Variants in CHFR observed in about 807,000 individuals in gnomAD.
CHFR encodes the protein checkpoint with forkhead and ring finger domains.
A neutral mutation model predicts 87.6 loss-of-function variants in CHFR; 57 were observed. The observed-to-expected ratio is 0.65, with a 90% CI of 0.53 to 0.81. The LOEUF (loss-of-function observed/expected upper bound fraction) is 0.81. Ranked by LOEUF, CHFR falls within the 30% of genes least tolerant of loss-of-function variation. The probability of loss-of-function intolerance (pLI) is 0.00; values close to 1 mark genes in which losing one functional copy is unlikely to be tolerated. For synonymous variants in CHFR, 381 were observed against 359.2 expected, an observed-to-expected ratio of 1.06 and a Z score of -0.69; for missense variants, 797 against 865.8, an observed-to-expected ratio of 0.92 and a Z score of 1.00.
At chr12:132,846,311 G>C (rs1292071111) in intron 15 of CHFR, among the ~76,000 whole-genome samples, 2 of 147,286 alleles carry the variant, frequency 1.4e-5, no homozygotes, top group Admixed American at 6.9e-5. Context: ...CCCCCAGGCT[G>C]GAGTGCAGTG....
At position 132,851,577 on chromosome 12, in the gene CHFR, C is replaced by A. The variant is rs751995061; in HGVS notation, c.1492+41G>T. On this transcript the variant is annotated intron_variant, in intron 12 of 17. Coordinates refer to ENST00000450056, the MANE Select transcript of CHFR (RefSeq NM_001161346.2). ...GCTTTGAAACCTGACCCCTGAAGGA[C>A]AGATAGGAACCCGCCTGCGTGCGGT... 16 of 1,565,608 alleles carry A rather than the reference C, an allele frequency of 1.0e-5. No homozygotes were observed. The East Asian group carries it at 1.6e-4, about 16-fold the overall frequency.
chr12:132,869,766 C>A lies in CHFR; in HGVS notation c.436G>T (p.Asp146Tyr). The A allele has an allele frequency of 6.4e-7, 1 of 1,551,394 alleles. No individual in the cohort carries two copies. Residue 146 changes from aspartate (D) to tyrosine (Y), a missense_variant, in exon 6 of 18, where the codon GAT (aspartate) becomes TAT (tyrosine). Around this residue, in one of 2 missense-constraint regions of CHFR, gnomAD observed 597 missense variants for 601.2 expected, o/e 0.99. Coordinates refer to ENST00000450056, the MANE Select transcript of CHFR (RefSeq NM_001161346.2). ...TSGAGAGRGADPRVPPSSPAT... is the reference protein window; with the variant it reads ...TSGAGAGRGAYPRVPPSSPAT... ...GGCGACGACGGAGGGACCCGGGGAT[C>A]GGCCCCTCGCCCTGCACCTGCACCT...
intron 11 of CHFR, among the ~76,000 whole-genome samples, chr12:132,852,743 G>A (rs747960278): frequency 6.6e-6 from 1 of 152,224 alleles, no homozygotes; most frequent in Non-Finnish European, 1.5e-5. Context: ...TTCCGTCCAC[G>A]GGTTCTACAA....
At chr12:132,872,250 C>A (rs369961753) in intron 4 of CHFR, 35 bp downstream of exon 4, 1 of 1,405,990 alleles carries the variant, frequency 7.1e-7, no homozygotes, top group East Asian at 2.3e-5. Flanking sequence ...CACCCCCGTG[C>A]GGGTCTGACC....
At chr12:132,876,717 C>G (rs1198415280) in intron 3 of CHFR, among the ~76,000 whole-genome samples, 1 of 152,132 alleles carries the variant, frequency 6.6e-6, no homozygotes, top group Non-Finnish European at 1.5e-5. Flanking sequence ...ACTAAGTGTC[C>G]CATCCTGGAA....
Position 132,843,081 on chromosome 12 carries a change from C to T in CHFR, c.1846G>A (p.Ala616Thr). 6.2e-7 allele frequency: 1 copy of T among 1,612,830 alleles called. No individual in the cohort carries two copies. Among genetic ancestry groups the T allele is most frequent in the Non-Finnish European group, 8.5e-7 (1 of 1,179,548 alleles). The change falls in exon 17 of 18, where the codon GCC (alanine) becomes ACC (threonine). Residue 616 changes from alanine (A) to threonine (T), a missense_variant and splice_region_variant. By Grantham distance (58) the Ala-to-Thr change is moderately conservative. Transcript: ENST00000450056. ...QNIPASELPV[A>T]VTSRPDCYWG... ...TAGCAGTCAGGACGGGATGTTACGG[C>T]CACTGGAAAAAGAGAAGGGGTACGC...
intron 2 of CHFR, 52 bp from the exon 3 acceptor site, chr12:132,877,706 C>A: frequency 8.6e-7 from 1 of 1,157,270 alleles, no homozygotes; most frequent in South Asian, 1.4e-5. Flanking sequence ...TAACTGTGAA[C>A]ACTACTGCAC....
chr12:132,861,713 G>T, intron 6 of CHFR, 79 bp from the exon 7 acceptor site: 1 of 1,367,594 alleles, frequency 7.3e-7, no homozygotes, highest in Non-Finnish European at 1.0e-6. Context: ...GTCACTGACT[G>T]GAGCCCAGTG....
At position 132,833,234 on chromosome 12, in the gene CHFR, G is replaced by GT. The variant is rs939034244; in HGVS notation, c.*8319dup. ...TGTGTGTGGATACCTTCAGAGGGCG[G>GT]TAACTGATGAAAAGAAAATAAAACT... is the stretch of plus-strand genomic sequence containing the variant. On this transcript the variant is annotated 3_prime_UTR_variant, in exon 18 of 18. Transcript: ENST00000450056. The GT allele has an allele frequency of 6.6e-6, 1 of 152,164 alleles. No individual in the cohort carries two copies. The highest frequency in any genetic ancestry group is 2.4e-5 in the African/African-American group (1 of 41,422). 9.4% of individuals were successfully genotyped at this position (152,164 alleles called of 1,614,324 possible). A position where few individuals can be genotyped will look rare whatever the true frequency, so the allele number is the denominator to read the frequency against.
chr12:132,853,446 C>T lies in CHFR; in HGVS notation c.1357G>A (p.Val453Ile), dbSNP rs141835819. Residue 453 changes from valine to isoleucine, a missense_variant, in exon 11 of 18, where the codon GTC (valine) becomes ATC (isoleucine). Transcript: ENST00000450056. ...CGCGGCTCACCTGTCGTCAGGCTGA[C>T]GGACGTGGAGGGTGCATCCCCCAGG... ...QALGDAPSTS[V>I]SLTTAVQDYV... 1.6e-4 allele frequency: 243 copies of T among 1,524,670 alleles called. 1 individual carries two copies. Among genetic ancestry groups the T allele is most frequent in the Non-Finnish European group, 3.5e-5 (40 of 1,145,048 alleles). 94.4% of individuals were successfully genotyped at this position (1,524,670 alleles called of 1,614,324 possible).
chr12:132,869,558 T>TA (rs1951436345), intron 6 of CHFR, 61 bp downstream of exon 6: 1 of 1,464,632 alleles, frequency 6.8e-7, no homozygotes, highest in African/African-American at 1.4e-5. Context: ...ACAACACAGG[T>TA]AAAGAGTAGT....
chr12:132,845,305 A>T lies in CHFR; in HGVS notation c.1736-1171T>A, dbSNP rs943074215. Among the ~76,000 whole-genome samples the T allele has an allele frequency of 5.3e-5, 8 of 151,920 alleles. No homozygotes were observed. The South Asian group carries it at 1.7e-3, about 31-fold the overall frequency. The stretch of plus-strand genomic sequence containing the variant: ...CTCACCTCTACTAAAAATACAAAAA[A>T]AAAATTAGCTGGGCATGTTGGCGGG... On this transcript the variant is annotated intron_variant, in intron 15 of 17. Coordinates refer to ENST00000450056, the MANE Select transcript of CHFR (RefSeq NM_001161346.2).
chr12:132,853,855 G>A, intron 10 of CHFR: 2 of 445,454 alleles, frequency 4.5e-6, no homozygotes, highest in Non-Finnish European at 7.9e-6. Context: ...TGTGCTCCCA[G>A]GAGACGACGC....
intron 5 of CHFR, among the ~76,000 whole-genome samples, chr12:132,870,354 A>AAAACAAAC (rs150035482): frequency 1.3e-4 from 19 of 145,138 alleles, no homozygotes; most frequent in Non-Finnish European, 1.8e-4. Context: ...TCCATCTCAA[A>AAAACAAAC]AAACAAACAA....
chr12:132,850,964 CATATAT>C (rs55826641), intron 12 of CHFR, among the ~76,000 whole-genome samples: 11,721 of 135,536 alleles, frequency 0.086, 529 homozygotes, highest in South Asian at 0.13. Flanking sequence ...TATGTGTGTG[CATATAT>C]ATATATATAT....
chr12:132,851,767 C>G (rs372554759), intron 11 of CHFR, 30 bp from the exon 12 acceptor site: 1 of 1,595,190 alleles, frequency 6.3e-7, no homozygotes, highest in Admixed American at 1.7e-5. Flanking sequence ...AGCCGGAGCA[C>G]GTGGGACCCA....
At position 132,838,363 on chromosome 12, in the gene CHFR, G is replaced by A. The variant is rs953854235; in HGVS notation, c.*3191C>T. ...GCCAATCTGCCCAGACTTCCTGGCT[G>A]CAGTCAGAAGCTATGACAGAGGCCA... On this transcript the variant is annotated 3_prime_UTR_variant, in exon 18 of 18. Transcript: ENST00000450056. 1.3e-5 allele frequency: 2 copies of A among 152,334 alleles called. No individual in the cohort carries two copies. The highest frequency in any genetic ancestry group is 2.4e-5 in the African/African-American group (1 of 41,472). 9.4% of individuals were successfully genotyped at this position (152,334 alleles called of 1,614,324 possible).
intron 2 of CHFR, among the ~76,000 whole-genome samples, chr12:132,881,310 G>GA (rs1288450285): frequency 6.6e-6 from 1 of 151,660 alleles, no homozygotes; most frequent in Non-Finnish European, 1.5e-5. Flanking sequence ...TTAAAAAGAT[G>GA]AAAAGACAAG....
intron 2 of CHFR, among the ~76,000 whole-genome samples, chr12:132,879,343 G>C (rs1311761705): frequency 6.6e-6 from 1 of 151,336 alleles, no homozygotes; most frequent in Admixed American, 6.6e-5. Flanking sequence ...TATATACAGG[G>C]ATGCATCTAT....
Sources: allele counts gnomAD v4.1 joint callset (sites outside exome capture counted in the v4.1 genomes callset), GRCh38; gene constraint gnomAD v4.1.1; regional missense constraint gnomAD v4.1.1; transcripts MANE v1.5; gene names NCBI Gene and HGNC (gene_info 2026-07-23, HGNC 2026-07-21).